Variants in XDH observed in about 807,000 individuals in gnomAD.
XDH encodes xanthine dehydrogenase.
XDH carries 138 observed loss-of-function variants against 156.1 expected under a neutral mutation model. The observed-to-expected ratio is 0.88, with a 90% CI of 0.77 to 1.02. XDH has a LOEUF of 1.02. XDH is among the 50% of genes least tolerant of loss of function. The probability of loss-of-function intolerance (pLI) is 0.00; values close to 1 mark genes in which losing one functional copy is unlikely to be tolerated. For synonymous variants in XDH, 669 were observed against 625.7 expected, an observed-to-expected ratio of 1.07 and a Z score of -1.03; for missense variants, 1,849 against 1,684.9, an observed-to-expected ratio of 1.10 and a Z score of -1.71.
In XDH at chr2:31,346,727, C is replaced by A. The variant is rs114439502; in HGVS notation, c.3351+42G>T. ...GGAACGGAGGCCCTGCTGTCAATTTCCCTCTCCTTTGCAAACGTGACTTGG... is the reference window on the plus strand; with the variant it reads ...GGAACGGAGGCCCTGCTGTCAATTTACCTCTCCTTTGCAAACGTGACTTGG... On this transcript the variant is annotated intron_variant, in intron 30 of 35. Coordinates refer to ENST00000379416, the MANE Select transcript of XDH (RefSeq NM_000379.4). The A allele has an allele frequency of 1.6e-3, 2,593 of 1,612,546 alleles. 37 individuals are homozygous for A. The African/African-American group carries it at 0.031, about 20-fold the overall frequency.
At chr2:31,387,693 A>T in intron 8 of XDH, 118 bp downstream of exon 8, 1 of 992,864 alleles carries the variant, frequency 1.0e-6, no homozygotes, top group Non-Finnish European at 1.5e-6. Flanking sequence ...AGGGAAATTT[A>T]AGCTGAAACA....
chr2:31,378,736 T>C (rs926882598), intron 13 of XDH, among the ~76,000 whole-genome samples: 4 of 152,168 alleles, frequency 2.6e-5, no homozygotes, highest in African/African-American at 9.7e-5. Context: ...TTTCTAATTC[T>C]GGGTATTAAA....
At chr2:31,413,861 A>T (rs1307374271) in intron 1 of XDH, among the ~76,000 whole-genome samples, 1 of 152,124 alleles carries the variant, frequency 6.6e-6, no homozygotes, top group Non-Finnish European at 1.5e-5. Flanking sequence ...GTGACCATGT[A>T]ATATGCTTGC....
At chr2:31,400,215 T>C (rs919930757) in intron 4 of XDH, among the ~76,000 whole-genome samples, 2 of 149,932 alleles carry the variant, frequency 1.3e-5, no homozygotes, top group African/African-American at 4.9e-5. Flanking sequence ...GATTAAGACC[T>C]GGGCCAAGCT....
chr2:31,364,069 G>T, intron 24 of XDH, 89 bp downstream of exon 24: 1 of 1,247,648 alleles, frequency 8.0e-7, no homozygotes, highest in Non-Finnish European at 1.2e-6. Flanking sequence ...ACAGTAGCAA[G>T]CAGGGACTGG....
intron 7 of XDH, 112 bp downstream of exon 7, chr2:31,388,115 T>G (rs1056312013): frequency 7.9e-7 from 1 of 1,266,986 alleles, no homozygotes; most frequent in African/African-American, 1.5e-5. Context: ...CATCACCGAC[T>G]CACCGTAGGT....
intron 24 of XDH, among the ~76,000 whole-genome samples, chr2:31,361,590 C>G (rs1685778181): frequency 6.6e-6 from 1 of 152,138 alleles, no homozygotes; most frequent in African/African-American, 2.4e-5. Context: ...TCCCAAGCAC[C>G]AATAATGGAG....
intron 13 of XDH, among the ~76,000 whole-genome samples, chr2:31,377,441 G>GAA (rs201414354): frequency 6.8e-6 from 1 of 147,120 alleles, no homozygotes. Flanking sequence ...CCCAGAAGCT[G>GAA]AAAAAAAAAA....
intron 13 of XDH, among the ~76,000 whole-genome samples, chr2:31,379,034 A>T (rs13423453): frequency 0.025 from 3,731 of 152,090 alleles, 135 homozygotes; most frequent in African/African-American, 0.083. Flanking sequence ...GCCTTAGAAC[A>T]CTCACTAAAG....
chr2:31,340,045 A>T (rs1213966620), intron 33 of XDH, among the ~76,000 whole-genome samples: 1 of 152,168 alleles, frequency 6.6e-6, no homozygotes, highest in Non-Finnish European at 1.5e-5. Context: ...ATTCTTTGAG[A>T]CTTACCTCCA....
intron 6 of XDH, among the ~76,000 whole-genome samples, chr2:31,389,953 C>T (rs949516703): frequency 6.6e-6 from 1 of 152,108 alleles, no homozygotes; most frequent in Admixed American, 6.5e-5. Flanking sequence ...CACAACCTTT[C>T]TCACTTCAGT....
chr2:31,340,482 T>C (rs878923147), intron 33 of XDH, among the ~76,000 whole-genome samples: 1 of 152,178 alleles, frequency 6.6e-6, no homozygotes, highest in East Asian at 1.9e-4. Context: ...TTTTATTTAT[T>C]TTTTTGAGAC....
Position 31,383,105 on chromosome 2 carries a change from G to C in XDH, c.934C>G (p.Leu312Val), listed in dbSNP as rs771854785. 2 of 1,614,182 alleles carry C rather than the reference G, an allele frequency of 1.2e-6. No homozygotes were observed. Among genetic ancestry groups the C allele is most frequent in the Admixed American group, 3.3e-5 (2 of 60,028 alleles). Residue 312 changes from leucine (L) to valine (V), a missense_variant, in exon 11 of 36, where the codon CTG becomes GTG. Leu to Val is a conservative substitution (Grantham distance 32, BLOSUM62 1). Transcript: ENST00000379416. Reference sequence around the variant, plus strand: ...GGAAGCTTAGCAACAGCATCCACCAGGGTTTTTTCCACAATGCTCAGGGGG... The same window carrying C: ...GGAAGCTTAGCAACAGCATCCACCACGGTTTTTTCCACAATGCTCAGGGGG... Reference protein sequence around the residue: ...ACPLSIVEKTLVDAVAKLPAQ... With the variant: ...ACPLSIVEKTVVDAVAKLPAQ...
In XDH at chr2:31,397,689, C is replaced by T; in HGVS notation, c.474G>A (p.Gln158=). ...CRCTGYRPIL[Q]GFRTFARDGG... is the part of the protein sequence containing the mutation. ...TTACCCTGGCAAAGGTCCGGAAGCCCTGGAGGATGGGTCTGTAGCCTGTGC... is the reference window on the plus strand; with the variant it reads ...TTACCCTGGCAAAGGTCCGGAAGCCTTGGAGGATGGGTCTGTAGCCTGTGC... Residue 158 remains glutamine (Q), a synonymous_variant, in exon 6 of 36, where the codon CAG becomes CAA. Transcript: ENST00000379416. 1 of 1,614,202 alleles carries T rather than the reference C, an allele frequency of 6.2e-7. No individual in the cohort carries two copies. Among genetic ancestry groups the T allele is most frequent in the Non-Finnish European group, 8.5e-7 (1 of 1,180,036 alleles).
At chr2:31,406,069 AG>A (rs1384520972) in intron 1 of XDH, 105 bp from the exon 2 acceptor site, 2 of 1,297,660 alleles carry the variant, frequency 1.5e-6, no homozygotes, top group Admixed American at 3.6e-5. Flanking sequence ...TAGAGTTAGT[AG>A]GAAGTGTGAT....
At chr2:31,372,447 C>G (rs757033531) in intron 16 of XDH, 50 bp from the exon 17 acceptor site, 14 of 1,611,690 alleles carry the variant, frequency 8.7e-6, no homozygotes. Flanking sequence ...GACACTGCCC[C>G]TCTATGGGCC....
At chr2:31,366,160 T>C in intron 21 of XDH, 51 bp from the exon 22 acceptor site, 1 of 1,614,162 alleles carries the variant, frequency 6.2e-7, no homozygotes, top group Non-Finnish European at 8.5e-7. Context: ...CTGAACTTAT[T>C]TCAGGCCTAA....
At position 31,403,111 on chromosome 2, in the gene XDH, T is replaced by A; in HGVS notation, c.134A>T (p.Glu45Val). Reference sequence around the variant, plus strand: ...CACTGTGCAAGCCCCGCAGCCCCCCTCTCCACAGCCGAGCTTGGTTCCACT... The same window carrying A: ...CACTGTGCAAGCCCCGCAGCCCCCCACTCCACAGCCGAGCTTGGTTCCACT... The part of the protein sequence containing the change: ...GLSGTKLGCG[E>V]GGCGACTVML... Residue 45 changes from glutamate to valine, a missense_variant, in exon 3 of 36, where the codon GAG becomes GTG. By Grantham distance (121) the Glu-to-Val change is moderately radical (BLOSUM62 -2). Transcript: ENST00000379416. 1 of 1,614,074 alleles carries A rather than the reference T, an allele frequency of 6.2e-7. No individual in the cohort carries two copies. Among genetic ancestry groups the A allele is most frequent in the Non-Finnish European group, 8.5e-7 (1 of 1,179,992 alleles).
intron 1 of XDH, among the ~76,000 whole-genome samples, chr2:31,411,582 T>TA (rs1243087486): frequency 6.6e-6 from 1 of 152,178 alleles, no homozygotes; most frequent in Non-Finnish European, 1.5e-5. Flanking sequence ...AGTTTTTCTT[T>TA]AAATATAAAA....
Sources: allele counts gnomAD v4.1 joint callset (sites outside exome capture counted in the v4.1 genomes callset), GRCh38; gene constraint gnomAD v4.1.1; transcripts MANE v1.5; gene names NCBI Gene and HGNC (gene_info 2026-07-23, HGNC 2026-07-21).